Variants in TACC2 observed in about 807,000 individuals in gnomAD.
TACC2 encodes the protein transforming acidic coiled-coil-containing protein 2.
A neutral mutation model predicts 227.3 loss-of-function variants in TACC2; 137 were observed. That is an observed-to-expected ratio of 0.60 (90% CI 0.52 to 0.69). The LOEUF (loss-of-function observed/expected upper bound fraction) is 0.69, where lower values mean the gene tolerates loss of function less well. Ranked by LOEUF, TACC2 falls within the 30% of genes least tolerant of loss-of-function variation. TACC2 has a pLI of 0.00. For synonymous variants in TACC2, 1,523 were observed against 1,487.5 expected (o/e 1.02, Z -0.55); for missense variants, 3,470 against 3,694.4 (o/e 0.94, Z 1.57).
chr10:122,206,973 G>C (rs2095131780), intron 8 of TACC2, among the ~76,000 whole-genome samples: 1 of 152,232 alleles, frequency 6.6e-6, no homozygotes, highest in Non-Finnish European at 1.5e-5. Flanking sequence ...TCTTCATGCA[G>C]ATATGCCGTG....
At position 122,087,951 on chromosome 10, in the gene TACC2, C is replaced by T; in HGVS notation, c.5451C>T (p.His1817=). Residue 1817 remains histidine (H), a synonymous_variant, in exon 4 of 23, where the codon CAC becomes CAT. Coordinates refer to ENST00000369005, the MANE Select transcript of TACC2 (RefSeq NM_206862.4). Reference sequence around the variant, plus strand: ...AACATTTGGCTCCAGAAGAGCTCCACACTGACAGGTACTTAAATGAAAAAA... The same window carrying T: ...AACATTTGGCTCCAGAAGAGCTCCATACTGACAGGTACTTAAATGAAAAAA... ...KLQHLAPEEL[H]TDRESPRPGP... The T allele has an allele frequency of 6.6e-7, 1 of 1,506,342 alleles. No individual in the cohort carries two copies. The highest frequency in any genetic ancestry group is 8.9e-7 in the Non-Finnish European group (1 of 1,128,142). 93.3% of individuals were successfully genotyped at this position (1,506,342 alleles called of 1,614,324 possible).
intron 8 of TACC2, among the ~76,000 whole-genome samples, chr10:122,196,702 C>T (rs1163654554): frequency 6.6e-6 from 1 of 151,928 alleles, no homozygotes; most frequent in Non-Finnish European, 1.5e-5. Context: ...CTATTCTGGC[C>T]GAGGCGGGCA....
At chr10:122,028,177 G>T (rs1231302812) in intron 2 of TACC2, among the ~76,000 whole-genome samples, 1 of 130,014 alleles carries the variant, frequency 7.7e-6, no homozygotes, top group East Asian at 2.5e-4. Context: ...GCAACCTCCA[G>T]TTCCTGGGTT....
In TACC2 at chr10:122,050,476, A is replaced by G; in HGVS notation, c.72A>G (p.Pro24=). 6.5e-7 allele frequency: 1 copy of G among 1,547,244 alleles called. No individual in the cohort carries two copies. The highest frequency in any genetic ancestry group is 8.9e-7 in the Non-Finnish European group (1 of 1,120,766). The change falls in exon 3 of 23, where the codon CCA becomes CCG. Residue 24 remains proline, a synonymous_variant. Coordinates refer to ENST00000369005, the MANE Select transcript of TACC2 (RefSeq NM_206862.4). This position sits in a 1 kb window ranked among gnomAD's most constrained non-coding sequence, Gnocchi z 4.6. ...LSAQTPRSAQ[P]PGNSQNIKRK... ...CTCAGACTCCAAGGTCCGCGCAGCC[A>G]CCCGGGAACAGTCAGAATATAAAAA...
At chr10:122,135,251 C>G (rs936073368) in intron 6 of TACC2, among the ~76,000 whole-genome samples, 2 of 152,166 alleles carry the variant, frequency 1.3e-5, no homozygotes, top group East Asian at 3.9e-4. Context: ...ATACCGTGTC[C>G]TGGGGCCCCG....
Position 122,234,596 on chromosome 10 carries a change from G to A in TACC2, c.8128-2799G>A, listed in dbSNP as rs562462724. 4.6e-5 allele frequency among the ~76,000 whole-genome samples: 7 copies of A among 152,346 alleles called. No homozygotes were observed. The South Asian group carries it at 1.0e-3, about 23-fold the overall frequency. On this transcript the variant is annotated intron_variant, in intron 16 of 22. Coordinates refer to ENST00000369005, the MANE Select transcript of TACC2 (RefSeq NM_206862.4). ...TCATCAACATGCAGATACTCAGGCA[G>A]TAATTCAAGAGGGCTCTGAAGTCAT...
At chr10:122,170,279 T>TTC (rs1326128127) in intron 7 of TACC2, among the ~76,000 whole-genome samples, 1 of 142,200 alleles carries the variant, frequency 7.0e-6, no homozygotes, top group Non-Finnish European at 1.5e-5. Context: ...TTTTTTTTTT[T>TTC]TTTTTTTTGA....
Position 122,100,960 on chromosome 10 carries a change from C to T in TACC2, c.5573+12369C>T, listed in dbSNP as rs533128536. On this transcript the variant is annotated intron_variant, in intron 5 of 22. Coordinates refer to ENST00000369005, the MANE Select transcript of TACC2 (RefSeq NM_206862.4). The stretch of plus-strand genomic sequence containing the variant: ...TTCTGGTTCAAGAGGCTCAGACAAA[C>T]GTTGTTCTGTGAAGCCTTCCCGACC... Among the ~76,000 whole-genome samples, 19 of 152,252 alleles carry T rather than the reference C, an allele frequency of 1.2e-4. 1 individual carries two copies. The South Asian group carries it at 3.3e-3, about 27-fold the overall frequency.
chr10:122,120,012 A>G lies in TACC2; in HGVS notation c.5574-12597A>G, dbSNP rs116235240. Among the ~76,000 whole-genome samples the G allele has an allele frequency of 8.6e-3, 1,301 of 152,126 alleles. 19 individuals are homozygous for G. Among genetic ancestry groups the G allele is most frequent in the African/African-American group, 0.03 (1,238 of 41,466 alleles). On this transcript the variant is annotated intron_variant, in intron 5 of 22. Transcript: ENST00000369005. ...TCCCGGAGTAATTTCCTCTCCTTTGAGCTTGCCGTAAAATTCGGTCCTTGG... is the reference window on the plus strand; with the variant it reads ...TCCCGGAGTAATTTCCTCTCCTTTGGGCTTGCCGTAAAATTCGGTCCTTGG...
intron 22 of TACC2, among the ~76,000 whole-genome samples, chr10:122,252,283 C>G: frequency 6.6e-6 from 1 of 152,106 alleles, no homozygotes; most frequent in East Asian, 1.9e-4. Flanking sequence ...TATACACAAC[C>G]CTTAACTTCT....
At chr10:122,183,762 G>T (rs889916726) in intron 7 of TACC2, among the ~76,000 whole-genome samples, 13 of 152,296 alleles carry the variant, frequency 8.5e-5, no homozygotes, top group African/African-American at 2.6e-4. Flanking sequence ...CTCCGTGAGT[G>T]GGGAGGGCAG....
chr10:122,182,927 G>A, intron 7 of TACC2, among the ~76,000 whole-genome samples: 1 of 152,060 alleles, frequency 6.6e-6, no homozygotes, highest in East Asian at 1.9e-4. Context: ...CGGGCCTGGT[G>A]GCTTCTAAGC....
rs2088350296 is a variant in TACC2, at chr10:122,132,072, AAGAAAGAAAG to A, written c.5574-529_5574-520del. On this transcript the variant is annotated intron_variant, in intron 5 of 22. Transcript: ENST00000369005. The stretch of plus-strand genomic sequence containing the variant: ...AGAAAGAAAGAAAGAAAGAAAAAGA[AAGAAAGAAAG>A]AGAAAGATCTACAAAGGTTTCTAAA... 9.0e-5 allele frequency among the ~76,000 whole-genome samples: 8 copies of A among 88,622 alleles called. 1 individual carries two copies. The highest frequency in any genetic ancestry group is 3.6e-4 in the African/African-American group (7 of 19,270). The allele number at this position is 88,622 out of a possible 152,430, so 58.1% of individuals were successfully genotyped here. A position where few individuals can be genotyped will look rare whatever the true frequency, so the allele number is the denominator to read the frequency against.
At chr10:122,072,840 G>A (rs1000981140) in intron 3 of TACC2, among the ~76,000 whole-genome samples, 1 of 152,116 alleles carries the variant, frequency 6.6e-6, no homozygotes, top group Non-Finnish European at 1.5e-5. Context: ...TGAGGGCCGG[G>A]CGTGGCGGCT....
rs531266453 is a variant in TACC2 at position 122,123,890 on chromosome 10, T to A, written c.5574-8719T>A. Reference sequence around the variant, plus strand: ...GTGCAGTGGCACAATCTCGGCTCACTGCAACCTCCGCCTCCCAGGGTTAAG... The same window carrying A: ...GTGCAGTGGCACAATCTCGGCTCACAGCAACCTCCGCCTCCCAGGGTTAAG... On this transcript the variant is annotated intron_variant, in intron 5 of 22. Transcript: ENST00000369005. 1.8e-3 allele frequency among the ~76,000 whole-genome samples: 264 copies of A among 147,510 alleles called. 2 individuals are homozygous for A. The highest frequency in any genetic ancestry group is 4.7e-3 in the Admixed American group (68 of 14,600).
chr10:122,005,793 A>C (rs186813826), intron 1 of TACC2, among the ~76,000 whole-genome samples: 139 of 150,364 alleles, frequency 9.2e-4, no homozygotes, highest in Middle Eastern at 3.4e-3. Context: ...CCCCGGGTTC[A>C]AGCAATTCTC....
chr10:122,200,160 A>G (rs2094734319), intron 8 of TACC2, among the ~76,000 whole-genome samples: 2 of 152,246 alleles, frequency 1.3e-5, no homozygotes, highest in South Asian at 4.1e-4. Flanking sequence ...GCCCAGGACC[A>G]GGGAACAGGT....
At chr10:122,108,277 G>C (rs1249509836) in intron 5 of TACC2, among the ~76,000 whole-genome samples, 2 of 151,982 alleles carry the variant, frequency 1.3e-5, no homozygotes, top group African/African-American at 4.8e-5. Context: ...TTTCATTTCT[G>C]AGTTACTTCA....
intron 1 of TACC2, among the ~76,000 whole-genome samples, chr10:121,995,462 C>T (rs985328465): frequency 4.6e-5 from 7 of 152,222 alleles, no homozygotes; most frequent in Non-Finnish European, 7.3e-5. Context: ...CACTTATAAT[C>T]TATTGTGTAA....
Sources: gnomAD v4.1 joint callset for allele counts (sites outside exome capture counted in the v4.1 genomes callset) on GRCh38, gnomAD v4.1.1 for gene constraint, Gnocchi (gnomAD v3.1) non-coding constraint, MANE v1.5 for transcripts, NCBI Gene and HGNC (gene_info 2026-07-23, HGNC 2026-07-21) for gene names.